Variants in RERG observed in about 807,000 individuals in gnomAD.
The protein encoded by RERG is ras-related and estrogen-regulated growth inhibitor.
A neutral mutation model predicts 23.2 loss-of-function variants in RERG; 25 were observed. The ratio of observed to expected loss-of-function variants is 1.08; its 90% CI spans 0.79 to 1.50. RERG has a LOEUF of 1.50. Ranked by LOEUF, RERG falls within the 40% of genes most tolerant of loss-of-function variation. RERG has a pLI of 0.00. For missense variants in RERG, 253 were observed against 250.1 expected, an observed-to-expected ratio of 1.01 and a Z score of -0.08; for synonymous variants, 81 against 89.1, an observed-to-expected ratio of 0.91 and a Z score of 0.51.
At chr12:15,191,646 C>T (rs1432872226) in intron 2 of RERG, among the ~76,000 whole-genome samples, 2 of 152,138 alleles carry the variant, frequency 1.3e-5, no homozygotes, top group African/African-American at 4.8e-5. Flanking sequence ...CTTCATTTTA[C>T]AAAGGTTCCT....
intron 2 of RERG, among the ~76,000 whole-genome samples, chr12:15,211,408 C>T (rs1024436113): frequency 4.0e-5 from 6 of 151,586 alleles, no homozygotes; most frequent in African/African-American, 1.5e-4. Context: ...GGAAATGATG[C>T]TAAGTGAAAT....
intron 2 of RERG, among the ~76,000 whole-genome samples, chr12:15,174,935 T>C (rs1447302277): frequency 6.6e-6 from 1 of 152,198 alleles, no homozygotes; most frequent in African/African-American, 2.4e-5. Context: ...TTAAAATCTT[T>C]GTCTAATAAC....
intron 2 of RERG, among the ~76,000 whole-genome samples, chr12:15,201,617 CTAA>C (rs1865217189): frequency 6.8e-6 from 1 of 147,098 alleles, no homozygotes; most frequent in African/African-American, 2.5e-5. Context: ...TAATAATTAG[CTAA>C]TATTAATTAT....
chr12:15,129,099 C>T (rs1042139783), intron 2 of RERG, among the ~76,000 whole-genome samples: 3 of 152,322 alleles, frequency 2.0e-5, no homozygotes, highest in African/African-American at 4.8e-5. Context: ...TAGAAAGCCA[C>T]ATGGGGACCA....
intron 2 of RERG, among the ~76,000 whole-genome samples, chr12:15,157,298 G>A (rs1047831619): frequency 1.3e-5 from 2 of 152,122 alleles, no homozygotes; most frequent in African/African-American, 4.8e-5. Flanking sequence ...TGTAGGTCTG[G>A]TATCAGCTTT....
chr12:15,123,120 A>C (rs1024759468), intron 2 of RERG, among the ~76,000 whole-genome samples: 12 of 152,344 alleles, frequency 7.9e-5, no homozygotes, highest in African/African-American at 2.9e-4. Context: ...TTAACACTAA[A>C]GGCTGCAACC....
At chr12:15,151,503 A>G (rs1188770627) in intron 2 of RERG, among the ~76,000 whole-genome samples, 3 of 152,206 alleles carry the variant, frequency 2.0e-5, no homozygotes, top group African/African-American at 7.2e-5. Flanking sequence ...TTCCTTACAA[A>G]CCACAATCCA....
intron 3 of RERG, chr12:15,114,682 T>C (rs144932349): frequency 7.2e-5 from 11 of 152,284 alleles, no homozygotes; most frequent in African/African-American, 2.6e-4. Flanking sequence ...GGTGTGGGCG[T>C]ACCTTATGAT....
At chr12:15,183,358 CAATTT>C (rs147274373) in intron 2 of RERG, among the ~76,000 whole-genome samples, 2,021 of 151,886 alleles carry the variant, frequency 0.013, 59 homozygotes, top group African/African-American at 0.047. Context: ...ATTGAGTAAT[CAATTT>C]AGTTTCAATT....
intron 2 of RERG, among the ~76,000 whole-genome samples, chr12:15,160,422 CA>C (rs1864587470): frequency 6.6e-6 from 1 of 151,974 alleles, no homozygotes; most frequent in Admixed American, 6.6e-5. Context: ...AAGGGCTTTT[CA>C]AAACTTTTGT....
At chr12:15,112,668 C>A in intron 3 of RERG, among the ~76,000 whole-genome samples, 1 of 151,752 alleles carries the variant, frequency 6.6e-6, no homozygotes, top group South Asian at 2.1e-4. Flanking sequence ...AGGAACTCTC[C>A]CAGAAGTGTC....
chr12:15,145,309 AAAG>A (rs750256479), intron 2 of RERG, among the ~76,000 whole-genome samples: 3 of 152,256 alleles, frequency 2.0e-5, no homozygotes, highest in Non-Finnish European at 2.9e-5. Context: ...ACCTGGAATT[AAAG>A]AAGAAGAGAG....
intron 2 of RERG, among the ~76,000 whole-genome samples, chr12:15,193,772 T>C (rs1591665406): frequency 6.6e-6 from 1 of 152,148 alleles, no homozygotes; most frequent in African/African-American, 2.4e-5. Flanking sequence ...CTGGTTTGGA[T>C]GGAAAAATAT....
At chr12:15,147,752 G>A (rs2136105534) in intron 2 of RERG, among the ~76,000 whole-genome samples, 1 of 152,284 alleles carries the variant, frequency 6.6e-6, no homozygotes, top group Non-Finnish European at 1.5e-5. Flanking sequence ...AGAGACCATG[G>A]AGTTGTTTAC....
intron 2 of RERG, among the ~76,000 whole-genome samples, chr12:15,177,630 T>C (rs1279384991): frequency 1.3e-5 from 2 of 152,144 alleles, no homozygotes; most frequent in African/African-American, 4.8e-5. Flanking sequence ...ATAATCAAAG[T>C]ATATTTTAAA....
Position 15,133,146 on chromosome 12 carries a change from G to GATATATATATATATATAT in RERG, c.62-12045_62-12028dup, listed in dbSNP as rs376565973. ...CTCTTGGGGTTGTATATCCTGTGGAGATATATATATATATATATATATATA... is the reference window on the plus strand; with the variant it reads ...CTCTTGGGGTTGTATATCCTGTGGAGATATATATATATATATATATATATATATATATATATATATATA... On this transcript the variant is annotated intron_variant, in intron 2 of 4. Transcript: ENST00000256953. Among the ~76,000 whole-genome samples, 182 of 125,166 alleles carry GATATATATATATATATAT rather than the reference G, an allele frequency of 1.5e-3. 2 individuals are homozygous for GATATATATATATATATAT. The highest frequency in any genetic ancestry group is 5.1e-3 in the African/African-American group (157 of 30,948). 82.1% of individuals were successfully genotyped at this position (125,166 alleles called of 152,430 possible).
intron 2 of RERG, among the ~76,000 whole-genome samples, chr12:15,156,565 G>A (rs1053376562): frequency 2.0e-5 from 3 of 152,178 alleles, no homozygotes; most frequent in Non-Finnish European, 2.9e-5. Flanking sequence ...GTAACATTGT[G>A]AGTATCAAAA....
At chr12:15,147,505 T>C (rs542733242) in intron 2 of RERG, among the ~76,000 whole-genome samples, 1 of 152,322 alleles carries the variant, frequency 6.6e-6, no homozygotes, top group Admixed American at 6.5e-5. Context: ...TTTTTAAGAA[T>C]ACCGAGGGCA....
chr12:15,217,313 A>G, intron 2 of RERG, 116 bp downstream of exon 2: 1 of 721,380 alleles, frequency 1.4e-6, no homozygotes, highest in South Asian at 1.6e-5. Flanking sequence ...CTAAAAGAGT[A>G]AGAAATGAAA....
Sources: gnomAD v4.1 joint callset for allele counts (sites outside exome capture counted in the v4.1 genomes callset) on GRCh38, gnomAD v4.1.1 for gene constraint, MANE v1.5 for transcripts, NCBI Gene and HGNC (gene_info 2026-07-23, HGNC 2026-07-21) for gene names.